TTN: variants seen among roughly 807,000 people sequenced by gnomAD.
TTN encodes connectin.
Under a neutral mutation model 3,223.0 loss-of-function variants are expected in TTN, and 1,525 were observed. That is an observed-to-expected ratio of 0.47 (90% confidence interval 0.45 to 0.49). The LOEUF is 0.49. TTN is among the 20% of genes least tolerant of loss of function. The pLI, the probability that TTN is intolerant of heterozygous loss-of-function variation, is 0.00. For missense variants in TTN, 40,786 were observed against 43,424.0 expected, an observed-to-expected ratio of 0.94 and a Z score of 5.40; for synonymous variants, 14,094 against 15,161.0, an observed-to-expected ratio of 0.93 and a Z score of 5.17.
At position 178,612,523 on chromosome 2, in the gene TTN, C is replaced by A; in HGVS notation, c.50002G>T (p.Ala16668Ser). The change falls in exon 266 of 363, where the codon GCA becomes TCA. Residue 16668 changes from alanine to serine, a missense_variant. Coordinates refer to ENST00000589042, the MANE Select transcript of TTN (RefSeq NM_001267550.2). ...TCAGGAACTGTCCATTTTAGGTCTGCTGTATTTTTTGTGATATTAATAACT... is the reference window on the plus strand; with the variant it reads ...TCAGGAACTGTCCATTTTAGGTCTGATGTATTTTTTGTGATATTAATAACT... Reference protein sequence around the residue: ...LEVINITKNTADLKWTVPEKD... With the variant: ...LEVINITKNTSDLKWTVPEKD... 1 of 1,611,720 alleles carries A rather than the reference C, an allele frequency of 6.2e-7. No individual in the cohort carries two copies. Among genetic ancestry groups the A allele is most frequent in the Non-Finnish European group, 8.5e-7 (1 of 1,179,056 alleles).
chr2:178,593,432 G>A lies in TTN; in HGVS notation c.58776C>T (p.Thr19592=). 1 of 1,613,016 alleles carries A rather than the reference G, an allele frequency of 6.2e-7. No individual in the cohort carries two copies. Among genetic ancestry groups the A allele is most frequent in the Non-Finnish European group, 8.5e-7 (1 of 1,179,528 alleles). ...APDQPIVTEV[T]KDSALVTWNK... is the part of the protein sequence containing the mutation. ...TCCAGGTTACTAATGCAGAGTCTTT[G>A]GTAACTTCTGTAACAATTGGCTGAT... Residue 19592 remains threonine, a synonymous_variant, in exon 299 of 363, where the codon ACC becomes ACT. Coordinates refer to ENST00000589042, the MANE Select transcript of TTN (RefSeq NM_001267550.2).
Position 178,616,838 on chromosome 2 carries a change from A to G in TTN, c.48051T>C (p.Tyr16017=), listed in dbSNP as rs1157686473. Residue 16017 remains tyrosine, a synonymous_variant, in exon 256 of 363, where the codon TAT becomes TAC. Coordinates refer to ENST00000589042, the MANE Select transcript of TTN (RefSeq NM_001267550.2). ...CACTTGGAGAAATGACAAGTTCGGC[A>G]TAGGCAGACAAGGTCTTCATTTTCA... The part of the protein sequence containing the change: ...DRVKMKTLSA[Y]AELVISPSER... The G allele has an allele frequency of 1.2e-6, 2 of 1,612,708 alleles. No individual in the cohort carries two copies. The highest frequency in any genetic ancestry group is 8.5e-7 in the Non-Finnish European group (1 of 1,179,200).
intron 346 of TTN, 46 bp from the exon 347 acceptor site, chr2:178,543,708 C>CT (rs200508614): frequency 3.2e-4 from 482 of 1,501,454 alleles, no homozygotes; most frequent in Non-Finnish European, 3.6e-4. Flanking sequence ...TGCCTGATAG[C>CT]TTTTTTTTTC....
chr2:178,721,896 T>G lies in TTN; in HGVS notation c.22767A>C (p.Ala7589=). The stretch of plus-strand genomic sequence containing the variant: ...ACATGTCTTTGCCAACATCATTGGT[T>G]GCTTGGCAAGTATATTGACCAGAGT... ...KGDSGQYTCQ[A]TNDVGKDMCS... Residue 7589 remains alanine (A), a synonymous_variant, in exon 78 of 363, where the codon GCA becomes GCC. Coordinates refer to ENST00000589042, the MANE Select transcript of TTN (RefSeq NM_001267550.2). 4.3e-6 allele frequency: 7 copies of G among 1,613,276 alleles called. No individual in the cohort carries two copies. The highest frequency in any genetic ancestry group is 5.9e-6 in the Non-Finnish European group (7 of 1,179,456).
At position 178,593,083 on chromosome 2, in the gene TTN, G is replaced by C. The variant is rs1238012891; in HGVS notation, c.59036C>G (p.Ala19679Gly). The C allele has an allele frequency of 6.2e-7, 1 of 1,610,962 alleles. No individual in the cohort carries two copies. ...SKPVFAKDPIAKPSPPVNPEA... is the reference protein window; with the variant it reads ...SKPVFAKDPIGKPSPPVNPEA... ...AGGATTAACAGGTGGACTTGGTTTA[G>C]CTAAAAAATAAAAGTAAAAAACGAA... is the stretch of plus-strand genomic sequence containing the variant. Residue 19679 changes from alanine (A) to glycine (G), a missense_variant and splice_region_variant, in exon 300 of 363, where the codon GCT (alanine) becomes GGT (glycine). Transcript: ENST00000589042.
chr2:178,782,899 G>T lies in TTN; in HGVS notation c.3007C>A (p.Arg1003Ser), dbSNP rs774551765. 2 of 1,614,070 alleles carry T rather than the reference G, an allele frequency of 1.2e-6. No homozygotes were observed. Among genetic ancestry groups the T allele is most frequent in the Non-Finnish European group, 1.7e-6 (2 of 1,179,990 alleles). ...FQSGIARLMIREAFAEDSGRF... is the reference protein window; with the variant it reads ...FQSGIARLMISEAFAEDSGRF... ...CCGCTGTCTTCCGCAAATGCTTCGC[G>T]AATCATAAGACGAGCAATTCCACTC... The change falls in exon 18 of 363, where the codon CGC becomes AGC. Residue 1003 changes from arginine to serine, a missense_variant. Coordinates refer to ENST00000589042, the MANE Select transcript of TTN (RefSeq NM_001267550.2).
chr2:178,629,196 A>G, intron 240 of TTN, 105 bp downstream of exon 240: 1 of 1,410,594 alleles, frequency 7.1e-7, no homozygotes, highest in Non-Finnish European at 9.4e-7. Context: ...AAAGGCAAAG[A>G]CAGAGGAAGA....
rs1436371200 is a variant in TTN at position 178,642,285 on chromosome 2, G to A, written c.40510C>T (p.Leu13504Phe). ...TTTGGTTCAGGTTTACGTTCCGGAA[G>A]TAATTTGCGAACTTTCTTTTCACCT... ...PGGEKKVRKL[L>F]PERKPEPKEE... Residue 13504 changes from leucine (L) to phenylalanine (F), a missense_variant, in exon 219 of 363, where the codon CTT (leucine) becomes TTT (phenylalanine). Physicochemically the swap from Leu to Phe is conservative, Grantham distance 22. Coordinates refer to ENST00000589042, the MANE Select transcript of TTN (RefSeq NM_001267550.2). 1.3e-6 allele frequency: 2 copies of A among 1,595,390 alleles called. No individual in the cohort carries two copies. Among genetic ancestry groups the A allele is most frequent in the Admixed American group, 1.7e-5 (1 of 57,746 alleles).
At chr2:178,662,851 AG>A (rs776493541) in intron 174 of TTN, 39 bp from the exon 175 acceptor site, 2 of 806,000 alleles carry the variant, frequency 2.5e-6, no homozygotes, top group Non-Finnish European at 2.0e-6. Flanking sequence ...GAAGCTATAA[AG>A]GGGGAATATC....
rs558485967 is a variant in TTN at position 178,599,092 on chromosome 2, A to C, written c.56648-30T>G. ...GAAAAAGATCATATTGATTATAAGAAATTTAAAAAAAAAGTAAAAATGGCT... is the reference window on the plus strand; with the variant it reads ...GAAAAAGATCATATTGATTATAAGACATTTAAAAAAAAAGTAAAAATGGCT... On this transcript the variant is annotated intron_variant, in intron 290 of 362. Transcript: ENST00000589042. 48 of 1,510,924 alleles carry C rather than the reference A, an allele frequency of 3.2e-5. No homozygotes were observed. The South Asian group carries it at 6.3e-4, about 20-fold the overall frequency. The allele number at this position is 1,510,924 out of a possible 1,614,324, so 93.6% of individuals were successfully genotyped here.
rs774117978 is a variant in TTN at position 178,579,555 on chromosome 2, C to A, written c.67636+6G>T. The A allele has an allele frequency of 1.2e-6, 2 of 1,612,674 alleles. No individual in the cohort carries two copies. The highest frequency in any genetic ancestry group is 1.7e-5 in the Admixed American group (1 of 59,944). ...GAAAAATGAAGATGTGTGCATAGAG[C>A]CTTACCAACATCATCCCTTGCCACA... On this transcript the variant is annotated splice_donor_region_variant and intron_variant, in intron 319 of 362. Coordinates refer to ENST00000589042, the MANE Select transcript of TTN (RefSeq NM_001267550.2).
At chr2:178,735,179 T>C (rs2081233555) in intron 50 of TTN, among the ~76,000 whole-genome samples, 191 bp from the exon 51 acceptor site, 1 of 152,146 alleles carries the variant, frequency 6.6e-6, no homozygotes, top group Non-Finnish European at 1.5e-5. Context: ...TGATTTAAAA[T>C]AAAACAACAA....
intron 261 of TTN, 36 bp downstream of exon 261, chr2:178,614,430 G>A (rs749271724): frequency 2.5e-6 from 4 of 1,581,312 alleles, no homozygotes; most frequent in Non-Finnish European, 3.4e-6. Context: ...TAACTGCAAA[G>A]AGTTTATCCC....
chr2:178,604,242 T>C lies in TTN; in HGVS notation c.54445A>G (p.Ile18149Val). 6.3e-7 allele frequency: 1 copy of C among 1,588,008 alleles called. No individual in the cohort carries two copies. The highest frequency in any genetic ancestry group is 1.2e-5 in the South Asian group (1 of 86,920). ...TTATCTGATTTGCACTCATCACTGA[T>C]TCCATATTTATTCACTGCCCTGACT... ...FRVRAVNKYGISDECKSDKVV... is the reference protein window; with the variant it reads ...FRVRAVNKYGVSDECKSDKVV... Residue 18149 changes from isoleucine (I) to valine (V), a missense_variant, in exon 282 of 363, where the codon ATC becomes GTC. Ile to Val is a conservative substitution (Grantham distance 29). Coordinates refer to ENST00000589042, the MANE Select transcript of TTN (RefSeq NM_001267550.2).
chr2:178,649,505 A>C, intron 212 of TTN, 49 bp downstream of exon 212: 1 of 1,515,664 alleles, frequency 6.6e-7, no homozygotes, highest in Non-Finnish European at 8.9e-7. Context: ...TTCCACTTTA[A>C]GATATCAGAA....
At chr2:178,677,358 A>ATATATG in intron 146 of TTN, 71 bp from the exon 147 acceptor site, 1 of 499,356 alleles carries the variant, frequency 2.0e-6, no homozygotes, top group Non-Finnish European at 2.8e-6. Flanking sequence ...ATATATATAT[A>ATATATG]TATGAAAGAG....
rs758548104 is a variant in TTN at position 178,718,971 on chromosome 2, G to A, written c.24229C>T (p.Pro8077Ser). 3.1e-6 allele frequency: 5 copies of A among 1,596,014 alleles called. No homozygotes were observed. The highest frequency in any genetic ancestry group is 4.3e-6 in the Non-Finnish European group (5 of 1,171,026). The part of the protein sequence containing the change: ...ECSAVLTVQE[P>S]PSFEQTPDSV... ...TCAGGGGTTTGTTCAAAAGATGGTG[G>A]TTCTAGATATTGCAAGGCGGAAGGG... The change falls in exon 84 of 363, where the codon CCA (proline) becomes TCA (serine). Residue 8077 changes from proline to serine, a missense_variant and splice_region_variant. Coordinates refer to ENST00000589042, the MANE Select transcript of TTN (RefSeq NM_001267550.2).
At position 178,735,827 on chromosome 2, in the gene TTN, A is replaced by C; in HGVS notation, c.14619T>G (p.Phe4873Leu). The change falls in exon 50 of 363, where the codon TTT (phenylalanine) becomes TTG (leucine). Residue 4873 changes from phenylalanine (F) to leucine (L), a missense_variant. Phe to Leu is a conservative substitution (Grantham distance 22). Transcript: ENST00000589042. The part of the protein sequence containing the change: ...GVYSCKASNK[F>L]GADICQAELI... Reference sequence around the variant, plus strand: ...ACTCTGCTTGGCAGATGTCTGCTCCAAACTTGTTGGAAGCCTTACAAGAAT... The same window carrying C: ...ACTCTGCTTGGCAGATGTCTGCTCCCAACTTGTTGGAAGCCTTACAAGAAT... 6.2e-7 allele frequency: 1 copy of C among 1,613,794 alleles called. No homozygotes were observed. The highest frequency in any genetic ancestry group is 8.5e-7 in the Non-Finnish European group (1 of 1,179,800).
Position 178,739,303 on chromosome 2 carries a change from C to A in TTN, c.13930G>T (p.Val4644Leu), listed in dbSNP as rs2082069274. The A allele has an allele frequency of 6.2e-7, 1 of 1,613,254 alleles. No homozygotes were observed. The highest frequency in any genetic ancestry group is 1.7e-5 in the Admixed American group (1 of 59,960). ...EVNWYFENKL[V>L]PSDEKFKCLQ... is the part of the protein sequence containing the mutation. ...CACTTGAACTTTTCATCTGAAGGCA[C>A]CAGTTTATTCTCAAAATACCAATTC... is the stretch of plus-strand genomic sequence containing the variant. Residue 4644 changes from valine to leucine, a missense_variant, in exon 48 of 363, where the codon GTG becomes TTG. By Grantham distance (32) the Val-to-Leu change is conservative (BLOSUM62 1). Transcript: ENST00000589042.
Sources: gnomAD v4.1 joint callset for allele counts (sites outside exome capture counted in the v4.1 genomes callset) on GRCh38, gnomAD v4.1.1 for gene constraint, MANE v1.5 for transcripts, NCBI Gene and HGNC (gene_info 2026-07-23, HGNC 2026-07-21) for gene names.